TLN1: variants seen among roughly 807,000 people sequenced by gnomAD.
TLN1 encodes the protein talin 1.
TLN1 carries 56 observed loss-of-function variants against 292.3 expected under a neutral mutation model. That is an observed-to-expected ratio of 0.19 (90% CI 0.15 to 0.24). TLN1 has a LOEUF of 0.24. Ranked by LOEUF, TLN1 falls within the 10% of genes least tolerant of loss-of-function variation. TLN1 has a pLI of 1.00. For missense variants in TLN1, 2,433 were observed against 3,248.2 expected, an observed-to-expected ratio of 0.75 and a Z score of 6.10; for synonymous variants, 1,119 against 1,253.7, an observed-to-expected ratio of 0.89 and a Z score of 2.27.
Position 35,700,260 on chromosome 9 carries a change from G to A in TLN1, c.6591C>T (p.Arg2197=). 6.2e-7 allele frequency: 1 copy of A among 1,613,564 alleles called. No individual in the cohort carries two copies. The highest frequency in any genetic ancestry group is 1.7e-4 in the Middle Eastern group (1 of 6,060). ...AKAVAAGNSC[R]QEDVIATANL... ...TGGCTGTGGCAATGACATCTTCCTG[G>A]CGACAGGAATTGCCAGCAGCAACGG... is the stretch of plus-strand genomic sequence containing the variant. Residue 2197 remains arginine, a synonymous_variant, in exon 49 of 57, where the codon CGC becomes CGT. Coordinates refer to ENST00000314888, the MANE Select transcript of TLN1 (RefSeq NM_006289.4).
rs1346367813 is a variant in TLN1, at chr9:35,728,831, C to CA, written c.-33-3105dup. 3.3e-5 allele frequency among the ~76,000 whole-genome samples: 5 copies of CA among 152,144 alleles called. 1 individual carries two copies. Among genetic ancestry groups the CA allele is most frequent in the Admixed American group, 1.3e-4 (2 of 15,280 alleles). ...GGCCAAACTTTCAGTGGCTGGGGAC[C>CA]AAGATCAGTAAGACCTAGCCTTTGA... is the stretch of plus-strand genomic sequence containing the variant. On this transcript the variant is annotated intron_variant, in intron 1 of 56. Transcript: ENST00000314888.
chr9:35,704,506 G>A lies in TLN1; in HGVS notation c.5881-8C>T. 1.2e-6 allele frequency: 2 copies of A among 1,603,080 alleles called. No homozygotes were observed. Among genetic ancestry groups the A allele is most frequent in the Non-Finnish European group, 1.7e-6 (2 of 1,173,866 alleles). On this transcript the variant is annotated splice_polypyrimidine_tract_variant and splice_region_variant and intron_variant, in intron 44 of 56. Coordinates refer to ENST00000314888, the MANE Select transcript of TLN1 (RefSeq NM_006289.4). This position sits in a 1 kb window ranked among gnomAD's most constrained non-coding sequence, Gnocchi z 6.9. ...AGCCAGGACGTGGGAGACCTGGGTA[G>A]GGAATGTCACATGGTGACTGTGGAA...
chr9:35,725,786 A>C (rs1825965547), intron 1 of TLN1, 59 bp from the exon 2 acceptor site: 1 of 1,497,930 alleles, frequency 6.7e-7, no homozygotes, highest in South Asian at 1.2e-5. Flanking sequence ...GAGGCCCCCC[A>C]GATGGTGGAG....
chr9:35,699,327 A>G lies in TLN1; in HGVS notation c.6874+29T>C. 1 of 1,594,910 alleles carries G rather than the reference A, an allele frequency of 6.3e-7. No individual in the cohort carries two copies. Among genetic ancestry groups the G allele is most frequent in the Middle Eastern group, 1.7e-4 (1 of 5,952 alleles). ...GATCACACCATGATAAGGGTTTTCC[A>G]TCCGTCCCTGTCCCTGGTCACCCCT... On this transcript the variant is annotated intron_variant, in intron 51 of 56. Transcript: ENST00000314888. This position sits in a 1 kb window ranked among gnomAD's most constrained non-coding sequence, Gnocchi z 4.0.
At chr9:35,721,970 C>T in intron 9 of TLN1, 149 bp downstream of exon 9, 4 of 1,140,170 alleles carry the variant, frequency 3.5e-6, no homozygotes, top group Non-Finnish European at 5.2e-6. Flanking sequence ...TGATGACAGG[C>T]AGGTTTTCAT....
intron 33 of TLN1, among the ~76,000 whole-genome samples, chr9:35,710,222 CAAA>C (rs68036045): frequency 7.4e-5 from 5 of 67,294 alleles, no homozygotes; most frequent in Admixed American, 1.8e-4. Context: ...AACGCTGTCT[CAAA>C]AAAAAAAAAA....
intron 31 of TLN1, 32 bp downstream of exon 31, chr9:35,710,957 A>G: frequency 6.2e-7 from 1 of 1,613,826 alleles, no homozygotes; most frequent in Non-Finnish European, 8.5e-7. Flanking sequence ...ACTTCCCTCA[A>G]CCTCAATGCC....
At chr9:35,700,141 C>CAG (rs769570217) in intron 49 of TLN1, 50 bp downstream of exon 49, 8 of 1,592,802 alleles carry the variant, frequency 5.0e-6, no homozygotes, top group Non-Finnish European at 6.9e-6. Flanking sequence ...TTCTCTCCCA[C>CAG]TATGTTCTGG....
intron 48 of TLN1, among the ~76,000 whole-genome samples, chr9:35,702,916 A>G (rs922607892): frequency 1.3e-5 from 2 of 152,222 alleles, no homozygotes; most frequent in Non-Finnish European, 2.9e-5. Flanking sequence ...AGCAACTAAG[A>G]AGAGGCCACT....
At chr9:35,716,165 G>A (rs1587985141) in intron 20 of TLN1, among the ~76,000 whole-genome samples, 2 of 149,668 alleles carry the variant, frequency 1.3e-5, no homozygotes, top group African/African-American at 4.9e-5. Flanking sequence ...AGACCAGCCT[G>A]GGCAACACAG....
In TLN1 at chr9:35,699,003, G is replaced by C; in HGVS notation, c.6999+29C>G. 6.2e-7 allele frequency: 1 copy of C among 1,608,416 alleles called. No homozygotes were observed. The highest frequency in any genetic ancestry group is 8.5e-7 in the Non-Finnish European group (1 of 1,175,248). ...GAAGGTGGGGACACTGCCATGGTGAGGGTGGAAGAGGAAGGGAGCAGGACT... is the reference window on the plus strand; with the variant it reads ...GAAGGTGGGGACACTGCCATGGTGACGGTGGAAGAGGAAGGGAGCAGGACT... On this transcript the variant is annotated intron_variant, in intron 52 of 56. Coordinates refer to ENST00000314888, the MANE Select transcript of TLN1 (RefSeq NM_006289.4). The surrounding 1 kb of genome is among the most constrained non-coding windows in gnomAD (Gnocchi z 4.0).
At chr9:35,701,219 G>A (rs1002838786) in intron 48 of TLN1, among the ~76,000 whole-genome samples, 1 of 152,210 alleles carries the variant, frequency 6.6e-6, no homozygotes, top group African/African-American at 2.4e-5. Flanking sequence ...GAAAGGAAGA[G>A]AGTAGGATGA....
Position 35,710,448 on chromosome 9 carries a change from G to C in TLN1, c.4326+113C>G, listed in dbSNP as rs530564707. 9.7e-6 allele frequency: 14 copies of C among 1,446,410 alleles called. No homozygotes were observed. In the South Asian group the frequency reaches 1.1e-4, roughly 11 times the overall value. The allele number at this position is 1,446,410 out of a possible 1,614,324, so 89.6% of individuals were successfully genotyped here. A position where few individuals can be genotyped will look rare whatever the true frequency, so the allele number is the denominator to read the frequency against. ...GGAGGAGGACAACCCAGATTCCATA[G>C]AGTTGGCTTTGCAAACATAAACTTC... On this transcript the variant is annotated intron_variant, in intron 33 of 56. Transcript: ENST00000314888.
At chr9:35,722,509 G>C (rs1048028694) in intron 8 of TLN1, among the ~76,000 whole-genome samples, 2 of 152,192 alleles carry the variant, frequency 1.3e-5, no homozygotes, top group Non-Finnish European at 2.9e-5. Context: ...TATTCAGAGT[G>C]GGGGTAACAC....
chr9:35,709,450 T>C (rs1170480252), intron 33 of TLN1, among the ~76,000 whole-genome samples: 3 of 152,228 alleles, frequency 2.0e-5, no homozygotes, highest in East Asian at 1.9e-4. Context: ...TGAACTCTTA[T>C]GATGCCAGTT....
Position 35,712,030 on chromosome 9 carries a change from G to C in TLN1, c.3656C>G (p.Ala1219Gly). The change falls in exon 28 of 57, where the codon GCC (alanine) becomes GGC (glycine). Residue 1219 changes from alanine to glycine, a missense_variant. Ala to Gly is a moderately conservative substitution (Grantham distance 60). Transcript: ENST00000314888. ...VDNALRAVGD[A>G]SKRLLSDSLP... ...CGAGTCACTCAGGAGTCGCTTGCTG[G>C]CATCTCCAACTGCCCTCAGGGCATT... The C allele has an allele frequency of 6.2e-7, 1 of 1,614,004 alleles. No individual in the cohort carries two copies. Among genetic ancestry groups the C allele is most frequent in the South Asian group, 1.1e-5 (1 of 91,070 alleles).
chr9:35,715,212 C>T, intron 20 of TLN1, 25 bp from the exon 21 acceptor site: 1 of 1,604,490 alleles, frequency 6.2e-7, no homozygotes, highest in East Asian at 2.2e-5. Context: ...GAAAGACAGT[C>T]ATCACCCAGC....
At chr9:35,711,459 T>C in intron 29 of TLN1, 65 bp from the exon 30 acceptor site, 3 of 1,609,566 alleles carry the variant, frequency 1.9e-6, no homozygotes, top group Non-Finnish European at 2.5e-6. Context: ...AAAGGGATCT[T>C]CTTTCCCAGA....
intron 48 of TLN1, among the ~76,000 whole-genome samples, chr9:35,701,255 A>G (rs1366602595): frequency 1.3e-5 from 2 of 152,198 alleles, no homozygotes; most frequent in African/African-American, 4.8e-5. Flanking sequence ...CAGAGCCATC[A>G]CTAATGGGTT....
Sources: allele counts gnomAD v4.1 joint callset (sites outside exome capture counted in the v4.1 genomes callset), GRCh38; gene constraint gnomAD v4.1.1; non-coding constraint Gnocchi (gnomAD v3.1); transcripts MANE v1.5; gene names NCBI Gene and HGNC (gene_info 2026-07-23, HGNC 2026-07-21).